The following CCDC15 variants were observed in gnomAD, a reference collection of about 807,000 sequenced individuals.
CCDC15 encodes coiled-coil domain-containing protein 15.
CCDC15 carries 105 observed loss-of-function variants against 114.5 expected under a neutral mutation model. That is an observed-to-expected ratio of 0.92 (90% confidence interval 0.78 to 1.08). The LOEUF (loss-of-function observed/expected upper bound fraction) is 1.08, where lower values mean the gene tolerates loss of function less well. Ranked by LOEUF, CCDC15 falls within the 50% of genes least tolerant of loss-of-function variation. CCDC15 has a pLI of 0.00. For missense variants in CCDC15, 1,105 were observed against 1,093.6 expected, an observed-to-expected ratio of 1.01 and a Z score of -0.15; for synonymous variants, 334 against 377.8, an observed-to-expected ratio of 0.88 and a Z score of 1.34.
At chr11:125,010,350 T>G (rs2135525135) in intron 13 of CCDC15, among the ~76,000 whole-genome samples, 1 of 152,080 alleles carries the variant, frequency 6.6e-6, no homozygotes, top group East Asian at 1.9e-4. Flanking sequence ...TGCCCACTTT[T>G]TAATGGGGTT....
chr11:125,039,188 C>T, intron 15 of CCDC15, 119 bp downstream of exon 15: 1 of 900,720 alleles, frequency 1.1e-6, no homozygotes, highest in Non-Finnish European at 1.6e-6. Context: ...CTGTTATAAA[C>T]CCTTTACAAA....
chr11:124,970,806 A>G (rs1174829352), intron 4 of CCDC15, among the ~76,000 whole-genome samples: 1 of 152,220 alleles, frequency 6.6e-6, no homozygotes, highest in Non-Finnish European at 1.5e-5. Flanking sequence ...TTTATCCTTC[A>G]TATTTGCTTG....
At chr11:125,014,726 A>G (rs1484076250) in intron 13 of CCDC15, among the ~76,000 whole-genome samples, 2 of 152,222 alleles carry the variant, frequency 1.3e-5, no homozygotes, top group African/African-American at 2.4e-5. Flanking sequence ...TAACTCATGT[A>G]TTAGTATCAT....
rs757252705 is a variant in CCDC15, at chr11:124,987,932, T to A, written c.1706T>A (p.Val569Asp). ...GATTTTCTACCCAGAGACCAAGGTG[T>A]TCTTCCCAAAGACCAAAATATTCTA... ...DQDFLPRDQG[V>D]LPKDQNILPI... The change falls in exon 8 of 16, where the codon GTT (valine) becomes GAT (aspartate). Residue 569 changes from valine to aspartate, a missense_variant. Val to Asp is a radical substitution (Grantham distance 152). Transcript: ENST00000344762. 12 of 1,613,520 alleles carry A rather than the reference T, an allele frequency of 7.4e-6. 1 individual carries two copies. The South Asian group carries it at 1.3e-4, about 18-fold the overall frequency.
intron 14 of CCDC15, 66 bp downstream of exon 14, chr11:125,038,670 A>G (rs754085377): frequency 2.7e-4 from 362 of 1,342,754 alleles, no homozygotes; most frequent in Non-Finnish European, 3.4e-4. Flanking sequence ...CATTGTTCTC[A>G]TTTTCCTTAG....
intron 13 of CCDC15, among the ~76,000 whole-genome samples, chr11:125,024,415 G>C (rs1948681593): frequency 6.6e-6 from 1 of 152,020 alleles, no homozygotes; most frequent in Non-Finnish European, 1.5e-5. Context: ...GGAAAATTTA[G>C]AATTGAAATC....
chr11:124,963,893 T>C (rs1377350214), intron 4 of CCDC15, among the ~76,000 whole-genome samples: 1 of 152,226 alleles, frequency 6.6e-6, no homozygotes, highest in African/African-American at 2.4e-5. Flanking sequence ...CATTTATTAA[T>C]AGGGAATCCT....
rs867541783 is a variant in CCDC15, at chr11:124,987,509, T to C, written c.1283T>C (p.Leu428Pro). Residue 428 changes from leucine (L) to proline (P), a missense_variant, in exon 8 of 16, where the codon CTC becomes CCC. Coordinates refer to ENST00000344762, the MANE Select transcript of CCDC15 (RefSeq NM_025004.3). Reference protein sequence around the residue: ...ALLTKNQDVLLKDHCVLPKDQ... With the variant: ...ALLTKNQDVLPKDHCVLPKDQ... ...CTAACGAAAAACCAGGATGTTTTACTCAAAGACCACTGTGTTCTCCCTAAA... is the reference window on the plus strand; with the variant it reads ...CTAACGAAAAACCAGGATGTTTTACCCAAAGACCACTGTGTTCTCCCTAAA... 1 of 1,614,022 alleles carries C rather than the reference T, an allele frequency of 6.2e-7. No individual in the cohort carries two copies. Among genetic ancestry groups the C allele is most frequent in the Non-Finnish European group, 8.5e-7 (1 of 1,179,892 alleles).
chr11:124,982,111 C>A (rs977927929), intron 6 of CCDC15, among the ~76,000 whole-genome samples: 3 of 152,098 alleles, frequency 2.0e-5, no homozygotes, highest in Non-Finnish European at 4.4e-5. Context: ...AGAATAGCAA[C>A]CCCTGCTTTT....
At chr11:124,972,407 A>G (rs755236011) in intron 4 of CCDC15, among the ~76,000 whole-genome samples, 22 of 152,216 alleles carry the variant, frequency 1.4e-4, no homozygotes, top group African/African-American at 4.8e-4. Context: ...TCACACAATT[A>G]CATATATATG....
At chr11:125,029,422 G>A (rs970504540) in intron 13 of CCDC15, among the ~76,000 whole-genome samples, 3 of 152,078 alleles carry the variant, frequency 2.0e-5, no homozygotes, top group Non-Finnish European at 2.9e-5. Flanking sequence ...AACCGGAAAC[G>A]CACAAATCCC....
At chr11:124,965,838 G>T (rs181734835) in intron 4 of CCDC15, among the ~76,000 whole-genome samples, 1 of 152,266 alleles carries the variant, frequency 6.6e-6, no homozygotes, top group East Asian at 1.9e-4. Flanking sequence ...CTGGTATGTT[G>T]TGTCTCTGTT....
chr11:125,018,425 T>A (rs955021499), intron 13 of CCDC15, among the ~76,000 whole-genome samples: 3 of 151,490 alleles, frequency 2.0e-5, no homozygotes, highest in African/African-American at 7.3e-5. Flanking sequence ...ATGACAAAGA[T>A]GAATTTTTTT....
At chr11:125,026,257 C>T (rs186020727) in intron 13 of CCDC15, among the ~76,000 whole-genome samples, 28 of 152,312 alleles carry the variant, frequency 1.8e-4, no homozygotes, top group Admixed American at 1.4e-3. Context: ...CCTGGATGGA[C>T]GATTCCCCTC....
intron 6 of CCDC15, among the ~76,000 whole-genome samples, chr11:124,980,495 T>C (rs1591584856): frequency 6.6e-6 from 1 of 152,214 alleles, no homozygotes; most frequent in South Asian, 2.1e-4. Flanking sequence ...TGGTTCAATC[T>C]TGGGAGGTTG....
intron 13 of CCDC15, among the ~76,000 whole-genome samples, chr11:125,007,928 G>C (rs1948563644): frequency 6.6e-6 from 1 of 152,190 alleles, no homozygotes; most frequent in African/African-American, 2.4e-5. Context: ...GCAACAGTGG[G>C]TGTGGCATGT....
chr11:125,012,962 T>G (rs963318314), intron 13 of CCDC15, among the ~76,000 whole-genome samples: 6 of 152,196 alleles, frequency 3.9e-5, no homozygotes, highest in African/African-American at 1.4e-4. Context: ...CTCAGTATCC[T>G]TAATTATATA....
intron 6 of CCDC15, among the ~76,000 whole-genome samples, chr11:124,983,574 G>A (rs12289777): frequency 0.13 from 19,075 of 152,020 alleles, 1,317 homozygotes; most frequent in South Asian, 0.19. Context: ...CTCTTGGACT[G>A]TGTGCTCCAA....
intron 13 of CCDC15, among the ~76,000 whole-genome samples, chr11:125,019,950 G>A (rs1024892314): frequency 1.4e-5 from 2 of 142,644 alleles, no homozygotes; most frequent in African/African-American, 5.2e-5. Context: ...GTGGGGGGGG[G>A]CACAGTTCAA....
Sources: gnomAD v4.1 joint callset for allele counts (sites outside exome capture counted in the v4.1 genomes callset) on GRCh38, gnomAD v4.1.1 for gene constraint, MANE v1.5 for transcripts, NCBI Gene and HGNC (gene_info 2026-07-23, HGNC 2026-07-21) for gene names.